Variants in AHSP observed in about 807,000 individuals in gnomAD.
AHSP encodes alpha-hemoglobin-stabilizing protein.
A neutral mutation model predicts 2.7 loss-of-function variants in AHSP; 5 were observed. The ratio of observed to expected loss-of-function variants is 1.86; its 90% CI spans 0.97 to 3.92. The LOEUF is 3.92. Among genes scored for constraint, AHSP ranks in the 30% most tolerant of loss-of-function variants. The probability of loss-of-function intolerance (pLI) is 0.00; values close to 1 mark genes in which losing one functional copy is unlikely to be tolerated. For missense variants in AHSP, 134 were observed against 119.8 expected, an observed-to-expected ratio of 1.12 and a Z score of -0.55; for synonymous variants, 50 against 48.4, an observed-to-expected ratio of 1.03 and a Z score of -0.14.
In AHSP at chr16:31,528,525, A is replaced by C; in HGVS notation, c.143A>C (p.Tyr48Ser). The part of the protein sequence containing the change: ...VTVVEDWMNF[Y>S]INYYRQQVTG... ...GTGGTGGAGGACTGGATGAACTTCT[A>C]CATCAACTATTACAGGCAGCAGGTG... Residue 48 changes from tyrosine to serine, a missense_variant, in exon 3 of 3, where the codon TAC (tyrosine) becomes TCC (serine). By Grantham distance (144) the Tyr-to-Ser change is moderately radical. Transcript: ENST00000302312. The C allele has an allele frequency of 6.2e-7, 1 of 1,614,164 alleles. No individual in the cohort carries two copies. The highest frequency in any genetic ancestry group is 8.5e-7 in the Non-Finnish European group (1 of 1,180,016).
chr16:31,528,373 T>C, intron 2 of AHSP, 85 bp from the exon 3 acceptor site: 1 of 1,358,796 alleles, frequency 7.4e-7, no homozygotes, highest in Non-Finnish European at 1.0e-6. Flanking sequence ...ATGTGAGAGT[T>C]GGTGCTGTGG....
chr16:31,528,046 G>C, intron 1 of AHSP, 84 bp downstream of exon 1: 2 of 1,042,576 alleles, frequency 1.9e-6, no homozygotes, highest in East Asian at 4.7e-5. Context: ...TGCAGGGCAG[G>C]AGGGATTTTT....
At chr16:31,528,339 G>A (rs1234798479) in intron 2 of AHSP, 119 bp from the exon 3 acceptor site, 16 of 1,288,470 alleles carry the variant, frequency 1.2e-5, no homozygotes, top group Non-Finnish European at 1.7e-5. Flanking sequence ...CGAGAGACAC[G>A]GGATACAATG....
intron 1 of AHSP, 27 bp from the exon 2 acceptor site, chr16:31,528,109 G>A (rs4296276): frequency 0.18 from 288,650 of 1,571,750 alleles, 31,417 homozygotes; most frequent in South Asian, 0.47. Flanking sequence ...AAACAGATAT[G>A]TAAATTCTAC....
At chr16:31,528,402 G>A in intron 2 of AHSP, 56 bp from the exon 3 acceptor site, 1 of 1,493,670 alleles carries the variant, frequency 6.7e-7, no homozygotes, top group Non-Finnish European at 9.3e-7. Context: ...TAGTATTCCC[G>A]AATCCCATTG....
Position 31,528,563 on chromosome 16 carries a change from C to T in AHSP, c.181C>T (p.Gln61Ter). 5.6e-6 allele frequency: 9 copies of T among 1,614,142 alleles called. No individual in the cohort carries two copies. Among genetic ancestry groups the T allele is most frequent in the Non-Finnish European group, 7.6e-6 (9 of 1,180,026 alleles). ...YYRQQVTGEP[Q>*]ERDKALQELR... ...CAGGCAGCAGGTGACAGGGGAGCCCCAAGAGCGAGACAAGGCTCTGCAGGA... is the reference window on the plus strand; with the variant it reads ...CAGGCAGCAGGTGACAGGGGAGCCCTAAGAGCGAGACAAGGCTCTGCAGGA... Residue 61 changes from glutamine (Q) to a stop codon, truncating the protein, a stop_gained, in exon 3 of 3, where the codon CAA (glutamine) becomes TAA (stop). Transcript: ENST00000302312. LOFTEE classifies it low-confidence loss of function (END_TRUNC).
In AHSP at chr16:31,528,499, T is replaced by C; in HGVS notation, c.117T>C (p.Thr39=). Residue 39 remains threonine, a synonymous_variant, in exon 3 of 3, where the codon ACT becomes ACC. Transcript: ENST00000302312. ...DPLVSEEDMV[T]VVEDWMNFYI... is the part of the protein sequence containing the mutation. ...TCGTCTCTGAAGAAGACATGGTGAC[T>C]GTGGTGGAGGACTGGATGAACTTCT... is the stretch of plus-strand genomic sequence containing the variant. 1 of 1,614,180 alleles carries C rather than the reference T, an allele frequency of 6.2e-7. No homozygotes were observed. Among genetic ancestry groups the C allele is most frequent in the Non-Finnish European group, 8.5e-7 (1 of 1,180,030 alleles).
chr16:31,528,060 G>C, intron 1 of AHSP, 76 bp from the exon 2 acceptor site: 1 of 1,190,646 alleles, frequency 8.4e-7, no homozygotes, highest in Non-Finnish European at 1.2e-6. Flanking sequence ...GATTTTTAAG[G>C]GGAGGAAGTG....
At position 31,528,610 on chromosome 16, in the gene AHSP, T is replaced by A; in HGVS notation, c.228T>A (p.Thr76=). The A allele has an allele frequency of 6.2e-7, 1 of 1,614,044 alleles. No individual in the cohort carries two copies. The highest frequency in any genetic ancestry group is 1.1e-5 in the South Asian group (1 of 91,074). The change falls in exon 3 of 3, where the codon ACT becomes ACA. Residue 76 remains threonine (T), a synonymous_variant. Transcript: ENST00000302312. ...ALQELRQELN[T]LANPFLAKYR... ...AGGAGCTTCGGCAAGAGCTGAACAC[T>A]CTGGCCAACCCTTTCCTGGCCAAGT...
At position 31,528,781 on chromosome 16, in the gene AHSP, A is replaced by C; in HGVS notation, c.*90A>C. 2.5e-6 allele frequency: 3 copies of C among 1,205,168 alleles called. No individual in the cohort carries two copies. The highest frequency in any genetic ancestry group is 2.0e-5 in the Admixed American group (1 of 51,274). The allele number at this position is 1,205,168 out of a possible 1,614,324, so 74.7% of individuals were successfully genotyped here. ...CCACTCTACCCTGACACCTCAATAAAGACCAGTGCTGGTTTTGTTGGACTT... is the reference window on the plus strand; with the variant it reads ...CCACTCTACCCTGACACCTCAATAACGACCAGTGCTGGTTTTGTTGGACTT... On this transcript the variant is annotated 3_prime_UTR_variant, in exon 3 of 3. Transcript: ENST00000302312.
Position 31,528,670 on chromosome 16 carries a change from T to A in AHSP, c.288T>A (p.Ser96Arg), listed in dbSNP as rs749613532. 6 of 1,612,944 alleles carry A rather than the reference T, an allele frequency of 3.7e-6. No homozygotes were observed. The highest frequency in any genetic ancestry group is 1.3e-5 in the African/African-American group (1 of 74,836). ...TCCTGAAGTCTCATGAGCTCCCGAG[T>A]CACCCACCGCCCTCCTCCTAGCTCA... ...RDFLKSHELP[S>R]HPPPSS Residue 96 changes from serine (S) to arginine (R), a missense_variant, in exon 3 of 3, where the codon AGT (serine) becomes AGA (arginine). By Grantham distance (110) the Ser-to-Arg change is moderately radical. Coordinates refer to ENST00000302312, the MANE Select transcript of AHSP (RefSeq NM_016633.4).
chr16:31,528,180 G>C lies in AHSP; in HGVS notation c.41G>C (p.Gly14Ala). Residue 14 changes from glycine (G) to alanine (A), a missense_variant, in exon 2 of 3, where the codon GGA (glycine) becomes GCA (alanine). Transcript: ENST00000302312. ...LKANKDLISA[G>A]LKEFSVLLNQ... is the part of the protein sequence containing the mutation. ...GCCAATAAGGATCTCATTTCCGCAG[G>C]ATTGAAGGAGTTCAGCGTTCTGCTG... The C allele has an allele frequency of 6.2e-7, 1 of 1,614,110 alleles. No homozygotes were observed. The highest frequency in any genetic ancestry group is 8.5e-7 in the Non-Finnish European group (1 of 1,180,026).
At chr16:31,528,236 C>T in intron 2 of AHSP, 22 bp downstream of exon 2, 2 of 1,607,710 alleles carry the variant, frequency 1.2e-6, no homozygotes, top group Non-Finnish European at 1.7e-6. Context: ...CTTTCCATTT[C>T]AAAGGACTGG....
chr16:31,528,507 A>T lies in AHSP; in HGVS notation c.125A>T (p.Glu42Val). 6.2e-7 allele frequency: 1 copy of T among 1,614,114 alleles called. No homozygotes were observed. Among genetic ancestry groups the T allele is most frequent in the South Asian group, 1.1e-5 (1 of 91,082 alleles). ...GAAGAAGACATGGTGACTGTGGTGG[A>T]GGACTGGATGAACTTCTACATCAAC... Reference protein sequence around the residue: ...VSEEDMVTVVEDWMNFYINYY... With the variant: ...VSEEDMVTVVVDWMNFYINYY... Residue 42 changes from glutamate to valine, a missense_variant, in exon 3 of 3, where the codon GAG becomes GTG. Coordinates refer to ENST00000302312, the MANE Select transcript of AHSP (RefSeq NM_016633.4).
Position 31,528,186 on chromosome 16 carries a change from A to G in AHSP, c.47A>G (p.Lys16Arg). The G allele has an allele frequency of 6.2e-7, 1 of 1,614,076 alleles. No homozygotes were observed. Among genetic ancestry groups the G allele is most frequent in the Non-Finnish European group, 8.5e-7 (1 of 1,180,008 alleles). ...AAGGATCTCATTTCCGCAGGATTGAAGGAGTTCAGCGTTCTGCTGAATCAG... is the reference window on the plus strand; with the variant it reads ...AAGGATCTCATTTCCGCAGGATTGAGGGAGTTCAGCGTTCTGCTGAATCAG... The part of the protein sequence containing the change: ...ANKDLISAGL[K>R]EFSVLLNQQV... The change falls in exon 2 of 3, where the codon AAG becomes AGG. Residue 16 changes from lysine to arginine, a missense_variant. Coordinates refer to ENST00000302312, the MANE Select transcript of AHSP (RefSeq NM_016633.4).
At chr16:31,528,393 A>C in intron 2 of AHSP, 65 bp from the exon 3 acceptor site, 1 of 1,433,218 alleles carries the variant, frequency 7.0e-7, no homozygotes, top group Non-Finnish European at 9.8e-7. Flanking sequence ...GCACTATTCT[A>C]GTATTCCCGA....
intron 1 of AHSP, 74 bp from the exon 2 acceptor site, chr16:31,528,062 G>A: frequency 8.2e-7 from 1 of 1,214,416 alleles, no homozygotes; most frequent in Non-Finnish European, 1.2e-6. Flanking sequence ...TTTTTAAGGG[G>A]AGGAAGTGGG....
rs1418752560 is a variant in AHSP, at chr16:31,528,184, G to A, written c.45G>A (p.Leu15=). Residue 15 remains leucine (L), a synonymous_variant, in exon 2 of 3, where the codon TTG becomes TTA. Coordinates refer to ENST00000302312, the MANE Select transcript of AHSP (RefSeq NM_016633.4). ...ATAAGGATCTCATTTCCGCAGGATTGAAGGAGTTCAGCGTTCTGCTGAATC... is the reference window on the plus strand; with the variant it reads ...ATAAGGATCTCATTTCCGCAGGATTAAAGGAGTTCAGCGTTCTGCTGAATC... ...KANKDLISAG[L]KEFSVLLNQQ... is the part of the protein sequence containing the mutation. The A allele has an allele frequency of 3.7e-6, 6 of 1,614,102 alleles. No individual in the cohort carries two copies. Among genetic ancestry groups the A allele is most frequent in the Non-Finnish European group, 5.1e-6 (6 of 1,180,026 alleles).
At chr16:31,528,085 C>A in intron 1 of AHSP, 51 bp from the exon 2 acceptor site, 1 of 1,429,590 alleles carries the variant, frequency 7.0e-7, no homozygotes, top group Non-Finnish European at 9.8e-7. Flanking sequence ...GGGGGAAATA[C>A]CCAGTGAGGA....
Sources: gnomAD v4.1 joint callset for allele counts on GRCh38, gnomAD v4.1.1 for gene constraint, MANE v1.5 for transcripts, NCBI Gene and HGNC (gene_info 2026-07-23, HGNC 2026-07-21) for gene names.